STAG1: variants seen among roughly 807,000 people sequenced by gnomAD.
STAG1 encodes the protein STAG1 cohesin complex component.
A neutral mutation model predicts 170.9 loss-of-function variants in STAG1; 26 were observed. The ratio of observed to expected loss-of-function variants is 0.15; its 90% CI spans 0.11 to 0.21. The LOEUF is 0.21. Ranked by LOEUF, STAG1 falls within the 10% of genes least tolerant of loss-of-function variation. The probability of loss-of-function intolerance (pLI) is 1.00; values close to 1 mark genes in which losing one functional copy is unlikely to be tolerated. For synonymous variants in STAG1, 514 were observed against 497.7 expected, an observed-to-expected ratio of 1.03 and a Z score of -0.44; for missense variants, 964 against 1,509.5, an observed-to-expected ratio of 0.64 and a Z score of 5.99.
intron 6 of STAG1, among the ~76,000 whole-genome samples, chr3:136,527,905 TG>T (rs1352634779): frequency 2.0e-5 from 3 of 152,178 alleles, no homozygotes; most frequent in Non-Finnish European, 4.4e-5. Context: ...CAGTGAATAT[TG>T]CTGAACAGCA....
In STAG1 at chr3:136,386,132, T is replaced by C. The variant is rs545992884; in HGVS notation, c.2278-8380A>G. On this transcript the variant is annotated intron_variant, in intron 22 of 33. Transcript: ENST00000383202. ...GCAGGCGGATCACAAGGTCAGGAGT[T>C]TGAGACCAGCCTGGACAATATGGTG... Among the ~76,000 whole-genome samples the C allele has an allele frequency of 1.3e-4, 20 of 152,204 alleles. No homozygotes were observed. The South Asian group carries it at 1.9e-3, about 14-fold the overall frequency.
chr3:136,509,719 T>A (rs945638863), intron 7 of STAG1, among the ~76,000 whole-genome samples: 1 of 152,182 alleles, frequency 6.6e-6, no homozygotes, highest in African/African-American at 2.4e-5. Flanking sequence ...AAAGGAGAGT[T>A]CATCAGGAAA....
At chr3:136,677,553 G>A (rs976076933) in intron 1 of STAG1, among the ~76,000 whole-genome samples, 1 of 152,114 alleles carries the variant, frequency 6.6e-6, no homozygotes, top group African/African-American at 2.4e-5. Context: ...TTATTAAGAG[G>A]TGGGGTCCTT....
intron 14 of STAG1, 57 bp from the exon 15 acceptor site, chr3:136,443,461 CTAATT>C: frequency 1.7e-6 from 2 of 1,186,368 alleles, no homozygotes; most frequent in Non-Finnish European, 2.4e-6. Context: ...ACTACTAATA[CTAATT>C]TGAGTTAAGA....
chr3:136,662,712 T>G (rs1450617132), intron 1 of STAG1, among the ~76,000 whole-genome samples: 1 of 151,886 alleles, frequency 6.6e-6, no homozygotes, highest in Non-Finnish European at 1.5e-5. Context: ...CCCAAAGTAC[T>G]AGGATTACAG....
At chr3:136,727,929 G>C (rs924218897) in intron 1 of STAG1, among the ~76,000 whole-genome samples, 1 of 152,036 alleles carries the variant, frequency 6.6e-6, no homozygotes, top group Non-Finnish European at 1.5e-5. Flanking sequence ...AGGCTGAGAC[G>C]GGTAGATCAC....
At chr3:136,468,744 A>G (rs1006419283) in intron 12 of STAG1, among the ~76,000 whole-genome samples, 11 of 152,242 alleles carry the variant, frequency 7.2e-5, no homozygotes, top group African/African-American at 2.2e-4. Context: ...TCAATAAAAT[A>G]CTGGCAAACC....
rs1305752730 is a variant in STAG1 at position 136,714,630 on chromosome 3, A to C, written c.-84+37565T>G. 2.0e-5 allele frequency among the ~76,000 whole-genome samples: 3 copies of C among 152,086 alleles called. No homozygotes were observed. The East Asian group carries it at 5.8e-4, about 30-fold the overall frequency. Reference sequence around the variant, plus strand: ...GTAGTCCCAGCTACTTGGGAGGCTGAGGCAGGAGAATGGCATGAACCCAGG... The same window carrying C: ...GTAGTCCCAGCTACTTGGGAGGCTGCGGCAGGAGAATGGCATGAACCCAGG... On this transcript the variant is annotated intron_variant, in intron 1 of 33. Transcript: ENST00000383202.
At chr3:136,468,176 T>C (rs1048838718) in intron 12 of STAG1, among the ~76,000 whole-genome samples, 4 of 151,730 alleles carry the variant, frequency 2.6e-5, no homozygotes, top group Admixed American at 1.3e-4. Context: ...CTGAAGGAGA[T>C]AGAGACACAA....
At chr3:136,551,209 GAGAGAGAGA>G (rs1936373650) in intron 5 of STAG1, among the ~76,000 whole-genome samples, 1 of 13,424 alleles carries the variant, frequency 7.4e-5, no homozygotes, top group Non-Finnish European at 1.3e-4. Flanking sequence ...GAGAGAGAGT[GAGAGAGAGA>G]GAGAGAGAGA....
chr3:136,466,654 G>A (rs917561785), intron 12 of STAG1, among the ~76,000 whole-genome samples: 7 of 152,116 alleles, frequency 4.6e-5, no homozygotes, highest in East Asian at 1.9e-4. Context: ...TACAGAGAAC[G>A]CCACAAAGAT....
chr3:136,748,399 T>A (rs1242386334), intron 1 of STAG1, among the ~76,000 whole-genome samples: 1 of 128,828 alleles, frequency 7.8e-6, no homozygotes, highest in African/African-American at 2.6e-5. Context: ...AAATAATAAA[T>A]TTTTTTTTTT....
chr3:136,370,808 C>A (rs1191894243), intron 23 of STAG1, among the ~76,000 whole-genome samples: 1 of 152,156 alleles, frequency 6.6e-6, no homozygotes, highest in Admixed American at 6.6e-5. Flanking sequence ...GTGAATAGTG[C>A]CGCAATAAAC....
intron 1 of STAG1, among the ~76,000 whole-genome samples, chr3:136,748,628 CTGACCT>C (rs1559988479): frequency 3.3e-5 from 5 of 152,008 alleles, no homozygotes; most frequent in Non-Finnish European, 7.3e-5. Context: ...TCTGAAACTC[CTGACCT>C]CAGGTGATCC....
At chr3:136,596,428 CATA>C (rs571821402) in intron 4 of STAG1, among the ~76,000 whole-genome samples, 1 of 151,906 alleles carries the variant, frequency 6.6e-6, no homozygotes, top group South Asian at 2.1e-4. Flanking sequence ...TTTTTTCAGA[CATA>C]ATAATATTGC....
intron 5 of STAG1, among the ~76,000 whole-genome samples, chr3:136,549,894 T>C (rs557691721): frequency 2.0e-5 from 3 of 152,322 alleles, no homozygotes; most frequent in Non-Finnish European, 4.4e-5. Flanking sequence ...GGTGCTGGAT[T>C]TTATAAAACT....
intron 14 of STAG1, among the ~76,000 whole-genome samples, chr3:136,446,792 C>T (rs900545892): frequency 1.3e-5 from 2 of 150,838 alleles, no homozygotes; most frequent in Non-Finnish European, 1.5e-5. Flanking sequence ...CTATACTGTA[C>T]CTTAATTTCT....
At chr3:136,704,875 G>C (rs912959130) in intron 1 of STAG1, among the ~76,000 whole-genome samples, 3 of 149,792 alleles carry the variant, frequency 2.0e-5, no homozygotes, top group African/African-American at 7.4e-5. Flanking sequence ...GTGATAAAAG[G>C]GTTAATTCAT....
At chr3:136,613,961 T>C (rs1939446364) in intron 3 of STAG1, among the ~76,000 whole-genome samples, 1 of 152,060 alleles carries the variant, frequency 6.6e-6, no homozygotes, top group Non-Finnish European at 1.5e-5. Context: ...ATGCCTGTAA[T>C]CCCAGCACTT....
Sources: allele counts gnomAD v4.1 joint callset (sites outside exome capture counted in the v4.1 genomes callset), GRCh38; gene constraint gnomAD v4.1.1; transcripts MANE v1.5; gene names NCBI Gene and HGNC (gene_info 2026-07-23, HGNC 2026-07-21).